The following ZNF420 variants were observed in gnomAD, a reference collection of about 807,000 sequenced individuals.
The protein encoded by ZNF420 is ATM and p53-associated KZNF protein.
ZNF420 carries 31 observed loss-of-function variants against 44.7 expected under a neutral mutation model. The ratio of observed to expected loss-of-function variants is 0.69; its 90% CI spans 0.52 to 0.94. ZNF420 has a LOEUF of 0.94. Ranked by LOEUF, ZNF420 falls within the 40% of genes least tolerant of loss-of-function variation. The pLI is 0.00. For missense variants in ZNF420, 681 were observed against 827.9 expected (o/e 0.82, Z 2.18); for synonymous variants, 245 against 267.4 (o/e 0.92, Z 0.82).
intron 1 of ZNF420, among the ~76,000 whole-genome samples, chr19:37,029,740 TGTC>T (rs1380233479): frequency 1.3e-5 from 2 of 152,046 alleles, no homozygotes; most frequent in Admixed American, 6.6e-5. Context: ...CCAGGCCTGA[TGTC>T]GTGATCCACC....
intron 1 of ZNF420, among the ~76,000 whole-genome samples, chr19:37,019,237 C>T (rs572405498): frequency 6.6e-6 from 1 of 152,276 alleles, no homozygotes; most frequent in South Asian, 2.1e-4. Context: ...AAAATTATTT[C>T]TCCAAAGACA....
chr19:37,032,069 G>A (rs1028948917), intron 1 of ZNF420, among the ~76,000 whole-genome samples: 3 of 152,138 alleles, frequency 2.0e-5, no homozygotes, highest in Admixed American at 6.5e-5. Context: ...AAATTAGACC[G>A]TGCGGTGGCT....
intron 4 of ZNF420, among the ~76,000 whole-genome samples, chr19:37,102,754 G>A (rs1969850258): frequency 6.6e-6 from 1 of 152,038 alleles, no homozygotes. Context: ...GATATGAGTG[G>A]GTTACCTCCT....
At chr19:37,053,249 A>G (rs1263269811) in intron 1 of ZNF420, among the ~76,000 whole-genome samples, 1 of 152,062 alleles carries the variant, frequency 6.6e-6, no homozygotes, top group Non-Finnish European at 1.5e-5. Flanking sequence ...TGGTTATTCT[A>G]GTTATCCATT....
At chr19:37,037,538 C>T (rs1967378761) in intron 1 of ZNF420, among the ~76,000 whole-genome samples, 1 of 152,212 alleles carries the variant, frequency 6.6e-6, no homozygotes, top group Admixed American at 6.5e-5. Context: ...TGAGCACAAA[C>T]ACACAGCCCA....
upstream of ZNF420, among the ~76,000 whole-genome samples, chr19:37,073,716 G>C (rs1179430839): frequency 6.8e-6 from 1 of 146,012 alleles, no homozygotes; most frequent in Non-Finnish European, 1.5e-5. Flanking sequence ...CTGTACTGCA[G>C]TCTTGGCGAC....
chr19:37,104,104 A>G (rs990101463), intron 4 of ZNF420, among the ~76,000 whole-genome samples: 2 of 151,562 alleles, frequency 1.3e-5, no homozygotes, highest in Non-Finnish European at 2.9e-5. Context: ...TACATTAGGT[A>G]TATCTCCTAA....
At chr19:37,015,079 C>T (rs1201537636) in intron 1 of ZNF420, among the ~76,000 whole-genome samples, 4 of 152,216 alleles carry the variant, frequency 2.6e-5, no homozygotes, top group African/African-American at 9.6e-5. Flanking sequence ...AGCAGAACCA[C>T]GCAGCCTCAG....
chr19:37,026,190 T>C (rs1437690514), intron 1 of ZNF420, among the ~76,000 whole-genome samples: 1 of 150,568 alleles, frequency 6.6e-6, no homozygotes, highest in Admixed American at 6.6e-5. Context: ...GGTTGGGGGG[T>C]GACACATCCC....
rs186505182 is a variant in ZNF420 at position 37,019,912 on chromosome 19, A to C, written c.-125+11830A>C. On this transcript the variant is annotated intron_variant, in intron 1 of 4. Coordinates refer to the ZNF420 transcript ENST00000587029. ...GCAGGAGCATCGCCATCTTGGACAA[A>C]CACCGCCATTTTAAATTCCCCTTGG... is the stretch of plus-strand genomic sequence containing the variant. Among the ~76,000 whole-genome samples, 101 of 152,076 alleles carry C rather than the reference A, an allele frequency of 6.6e-4. No homozygotes were observed. In the East Asian group the frequency reaches 0.018, roughly 27 times the overall value.
chr19:37,069,947 C>T (rs1968029746), intron 1 of ZNF420, among the ~76,000 whole-genome samples: 2 of 151,870 alleles, frequency 1.3e-5, no homozygotes, highest in Admixed American at 1.3e-4. Context: ...AAGACCAAAA[C>T]AATACAAGAA....
intron 2 of ZNF420, among the ~76,000 whole-genome samples, chr19:37,082,183 G>T (rs1010662843): frequency 6.6e-6 from 1 of 152,002 alleles, no homozygotes; most frequent in Non-Finnish European, 1.5e-5. Flanking sequence ...CTGTTGTTGA[G>T]ACAGAGTCTC....
At chr19:37,012,365 T>G (rs572172584) in intron 1 of ZNF420, among the ~76,000 whole-genome samples, 1 of 152,328 alleles carries the variant, frequency 6.6e-6, no homozygotes, top group African/African-American at 2.4e-5. Flanking sequence ...CTCGTCACAG[T>G]GATTCCCATG....
At chr19:37,012,026 C>G (rs1327961128) in intron 1 of ZNF420, among the ~76,000 whole-genome samples, 1 of 152,224 alleles carries the variant, frequency 6.6e-6, no homozygotes, top group East Asian at 1.9e-4. Flanking sequence ...CGAGGCCCTG[C>G]CCGCCTCACA....
intron 4 of ZNF420, among the ~76,000 whole-genome samples, chr19:37,102,455 A>C (rs1969832602): frequency 6.6e-6 from 1 of 152,202 alleles, no homozygotes; most frequent in South Asian, 2.1e-4. Flanking sequence ...GAGACTCTCC[A>C]CCTAGACACT....
chr19:37,091,183 T>A, intron 4 of ZNF420, 62 bp downstream of exon 4: 2 of 1,433,026 alleles, frequency 1.4e-6, no homozygotes, highest in Non-Finnish European at 1.9e-6. Context: ...TCTCTGCTGT[T>A]ATTTCAAATT....
At chr19:37,022,470 T>G (rs928132783) in intron 1 of ZNF420, among the ~76,000 whole-genome samples, 1 of 152,164 alleles carries the variant, frequency 6.6e-6, no homozygotes. Flanking sequence ...CCTCTCATGG[T>G]TTTTACTTGC....
intron 3 of ZNF420, among the ~76,000 whole-genome samples, chr19:37,089,837 T>C (rs1480915735): frequency 6.6e-6 from 1 of 152,192 alleles, no homozygotes; most frequent in Admixed American, 6.5e-5. Flanking sequence ...ACCTAAAATG[T>C]TCAAATATGA....
At chr19:37,113,509 G>T (rs560497013) in intron 4 of ZNF420, among the ~76,000 whole-genome samples, 1 of 152,198 alleles carries the variant, frequency 6.6e-6, no homozygotes, top group East Asian at 1.9e-4. Flanking sequence ...CTCAGGATTG[G>T]CATTTTCGTA....
Sources: allele counts gnomAD v4.1 joint callset (sites outside exome capture counted in the v4.1 genomes callset), GRCh38; gene constraint gnomAD v4.1.1; transcripts MANE v1.5; gene names NCBI Gene and HGNC (gene_info 2026-07-23, HGNC 2026-07-21).